RB1: variants seen among roughly 807,000 people sequenced by gnomAD.
RB1 encodes RB transcriptional corepressor 1.
In RB1, 18 loss-of-function variants were observed where a neutral mutation model predicts 135.4. That is an observed-to-expected ratio of 0.13 (90% confidence interval 0.09 to 0.20). RB1 has a LOEUF of 0.20. Ranked by LOEUF, RB1 falls within the 10% of genes least tolerant of loss-of-function variation. The probability of loss-of-function intolerance (pLI) is 1.00; values close to 1 mark genes in which losing one functional copy is unlikely to be tolerated. For synonymous variants in RB1, 365 were observed against 373.2 expected (o/e 0.98, Z 0.25); for missense variants, 868 against 1,110.0 (o/e 0.78, Z 3.10).
At chr13:48,368,423 A>G in intron 10 of RB1, 104 bp from the exon 11 acceptor site, 3 of 1,433,206 alleles carry the variant, frequency 2.1e-6, no homozygotes, top group Non-Finnish European at 2.9e-6. Flanking sequence ...TTATCATTTT[A>G]TATGATTTTA....
intron 6 of RB1, among the ~76,000 whole-genome samples, chr13:48,351,301 T>A (rs1952545192): frequency 6.6e-6 from 1 of 152,192 alleles, no homozygotes; most frequent in Non-Finnish European, 1.5e-5. Flanking sequence ...TGATATCTCA[T>A]TGTGGTTTTG....
intron 9 of RB1, 38 bp downstream of exon 9, chr13:48,365,009 T>G (rs951544056): frequency 6.5e-7 from 1 of 1,541,408 alleles, no homozygotes; most frequent in East Asian, 2.4e-5. Flanking sequence ...ATTAATGTTT[T>G]GAGACTGTGG....
At chr13:48,374,481 TG>T (rs1952798107) in intron 12 of RB1, among the ~76,000 whole-genome samples, 1 of 152,224 alleles carries the variant, frequency 6.6e-6, no homozygotes, top group African/African-American at 2.4e-5. Context: ...CATAATCTGT[TG>T]TCATCTCTTG....
At position 48,398,298 on chromosome 13, in the gene RB1, C is replaced by G. The variant is rs144323284; in HGVS notation, c.1695+16855C>G. On this transcript the variant is annotated intron_variant, in intron 17 of 26. Coordinates refer to ENST00000267163, the MANE Select transcript of RB1 (RefSeq NM_000321.3). ...TTTCTCACTCTGACCCAATATATTC[C>G]TAATATAGCTTTGCCCTTGACTTCC... is the stretch of plus-strand genomic sequence containing the variant. Among the ~76,000 whole-genome samples, 409 of 152,172 alleles carry G rather than the reference C, an allele frequency of 2.7e-3. 7 individuals carry two copies. Among genetic ancestry groups the G allele is most frequent in the Non-Finnish European group, 4.7e-4 (32 of 67,978 alleles).
At chr13:48,342,769 A>G in intron 3 of RB1, 55 bp downstream of exon 3, 1 of 1,236,772 alleles carries the variant, frequency 8.1e-7, no homozygotes, top group East Asian at 2.3e-5. Flanking sequence ...CGAATTCTGG[A>G]TTTTCCTCTC....
chr13:48,450,045 AT>A (rs1187584805), intron 17 of RB1, among the ~76,000 whole-genome samples: 1 of 149,002 alleles, frequency 6.7e-6, no homozygotes, highest in Non-Finnish European at 1.5e-5. Flanking sequence ...GATTGCAAAA[AT>A]TTTCTCCCAT....
At chr13:48,365,091 T>C in intron 9 of RB1, 120 bp downstream of exon 9, 2 of 1,245,554 alleles carry the variant, frequency 1.6e-6, no homozygotes, top group Non-Finnish European at 2.1e-6. Context: ...CCAAGAAGAA[T>C]CTAGCCAAGT....
chr13:48,321,135 A>T (rs1490910144), intron 2 of RB1, among the ~76,000 whole-genome samples: 3 of 151,814 alleles, frequency 2.0e-5, no homozygotes, highest in African/African-American at 7.3e-5. Flanking sequence ...CACCGCGCTG[A>T]CCCTGCCTGC....
chr13:48,319,850 C>T lies in RB1; in HGVS notation c.264+12444C>T. 3 of 326,564 alleles carry T rather than the reference C, an allele frequency of 9.2e-6. No individual in the cohort carries two copies. The highest frequency in any genetic ancestry group is 3.7e-5 in the South Asian group (1 of 27,212). The allele number at this position is 326,564 out of a possible 1,614,324, so 20.2% of individuals were successfully genotyped here. A position where few individuals can be genotyped will look rare whatever the true frequency, so the allele number is the denominator to read the frequency against. ...AAGGAGTCGTTGCTGCTCGCTCTGACCGGGAAGGCAGAACCCTAGTCCTCA... is the reference window on the plus strand; with the variant it reads ...AAGGAGTCGTTGCTGCTCGCTCTGATCGGGAAGGCAGAACCCTAGTCCTCA... On this transcript the variant is annotated intron_variant, in intron 2 of 26. Transcript: ENST00000267163. The surrounding 1 kb of genome is among the most constrained non-coding windows in gnomAD (Gnocchi z 5.0).
chr13:48,458,892 T>G (rs1949378521), intron 19 of RB1, among the ~76,000 whole-genome samples: 1 of 152,234 alleles, frequency 6.6e-6, no homozygotes, highest in Non-Finnish European at 1.5e-5. Flanking sequence ...AGTTTACCAT[T>G]TTTCAACAGA....
Position 48,393,072 on chromosome 13 carries a change from AG to A in RB1, c.1695+11631del, listed in dbSNP as rs567967556. Among the ~76,000 whole-genome samples, 3 of 152,248 alleles carry A rather than the reference AG, an allele frequency of 2.0e-5. No individual in the cohort carries two copies. In the South Asian group the frequency reaches 6.2e-4, roughly 32 times the overall value. ...TCTACTGAATATCCCATATATGACA[AG>A]GTTTTTCCACTCTGGCTAGTTGAAA... On this transcript the variant is annotated intron_variant, in intron 17 of 26. Transcript: ENST00000267163.
Position 48,380,073 on chromosome 13 carries a change from T to G in RB1, c.1410T>G (p.Ile470Met), listed in dbSNP as rs578226820. 11 of 1,386,580 alleles carry G rather than the reference T, an allele frequency of 7.9e-6. No individual in the cohort carries two copies. The African/African-American group carries it at 1.5e-4, about 19-fold the overall frequency. 85.9% of individuals were successfully genotyped at this position (1,386,580 alleles called of 1,614,324 possible). A position where few individuals can be genotyped will look rare whatever the true frequency, so the allele number is the denominator to read the frequency against. Residue 470 changes from isoleucine (I) to methionine (M), a missense_variant, in exon 15 of 27, where the codon ATT (isoleucine) becomes ATG (methionine). By Grantham distance (10) the Ile-to-Met change is conservative (BLOSUM62 1). Around this residue, in one of 3 missense-constraint regions of RB1, gnomAD observed 641 missense variants for 791.3 expected, o/e 0.81. Transcript: ENST00000267163. ...MLKSEEERLS[I>M]QNFSKLLNDN... ...TTCAGGAAGAAGAACGATTATCCAT[T>G]CAAAATTTTAGGTAAATTTTTTACT...
chr13:48,315,522 T>C (rs565325100), intron 2 of RB1, among the ~76,000 whole-genome samples: 1 of 152,356 alleles, frequency 6.6e-6, no homozygotes, highest in East Asian at 1.9e-4. Context: ...TTTCCTTCTC[T>C]TGTCTGATTG....
chr13:48,312,935 C>T (rs1952143791), intron 2 of RB1, among the ~76,000 whole-genome samples: 1 of 152,202 alleles, frequency 6.6e-6, no homozygotes, highest in Admixed American at 6.5e-5. Context: ...AACCCACTCT[C>T]AGTAGCCTCC....
chr13:48,344,186 G>A (rs1464080378), intron 3 of RB1, among the ~76,000 whole-genome samples: 1 of 152,140 alleles, frequency 6.6e-6, no homozygotes, highest in East Asian at 1.9e-4. Context: ...AATTTTTATG[G>A]AAAAGAGTAA....
chr13:48,379,389 T>A (rs1240173379), intron 13 of RB1, among the ~76,000 whole-genome samples: 1 of 152,052 alleles, frequency 6.6e-6, no homozygotes, highest in East Asian at 1.9e-4. Context: ...TTTTAAAAAA[T>A]TTTAGTAATT....
chr13:48,384,877 A>G (rs1566200854), intron 17 of RB1, among the ~76,000 whole-genome samples: 1 of 152,190 alleles, frequency 6.6e-6, no homozygotes, highest in Non-Finnish European at 1.5e-5. Flanking sequence ...AGATACTGGA[A>G]AAGTCTGTTG....
intron 2 of RB1, among the ~76,000 whole-genome samples, chr13:48,339,711 A>T (rs1261778215): frequency 2.0e-5 from 3 of 152,202 alleles, no homozygotes; most frequent in Admixed American, 2.0e-4. Context: ...CCCCAGTGAG[A>T]TGAACCTGGT....
intron 17 of RB1, among the ~76,000 whole-genome samples, chr13:48,418,479 T>A (rs950638883): frequency 3.9e-5 from 6 of 152,162 alleles, no homozygotes; most frequent in African/African-American, 1.4e-4. Flanking sequence ...GGGCATCAAC[T>A]AATGGGCAAA....
Sources: allele counts gnomAD v4.1 joint callset (sites outside exome capture counted in the v4.1 genomes callset), GRCh38; gene constraint gnomAD v4.1.1; regional missense constraint gnomAD v4.1.1; non-coding constraint Gnocchi (gnomAD v3.1); transcripts MANE v1.5; gene names NCBI Gene and HGNC (gene_info 2026-07-23, HGNC 2026-07-21).